RIPOR2: variants seen among roughly 807,000 people sequenced by gnomAD.
The protein encoded by RIPOR2 is RHO family interacting cell polarization regulator 2.
A neutral mutation model predicts 114.5 loss-of-function variants in RIPOR2; 39 were observed. The observed-to-expected ratio is 0.34, with a 90% CI of 0.26 to 0.44. The LOEUF is 0.44. Ranked by LOEUF, RIPOR2 falls within the 20% of genes least tolerant of loss-of-function variation. The probability of loss-of-function intolerance (pLI) is 1.00; values close to 1 mark genes in which losing one functional copy is unlikely to be tolerated. For synonymous variants in RIPOR2, 445 were observed against 484.4 expected (o/e 0.92, Z 1.07); for missense variants, 1,007 against 1,255.1 (o/e 0.80, Z 2.99).
intron 1 of RIPOR2, among the ~76,000 whole-genome samples, chr6:25,039,610 C>T (rs1374184765): frequency 6.6e-6 from 1 of 152,152 alleles, no homozygotes; most frequent in Non-Finnish European, 1.5e-5. Context: ...GTAAAGCAGG[C>T]TTTTCTGATA....
intron 20 of RIPOR2, among the ~76,000 whole-genome samples, chr6:24,811,657 C>CTTTTTTTTTTTTTTTTTTT (rs1222503239): frequency 9.2e-5 from 2 of 21,730 alleles, no homozygotes; most frequent in Non-Finnish European, 2.8e-4. Flanking sequence ...TCGTTTAGTA[C>CTTTTTTTTTTTTTTTTTTT]TTTTTTTTTT....
At chr6:24,839,021 G>A in intron 14 of RIPOR2, 70 bp downstream of exon 14, 1 of 1,280,282 alleles carries the variant, frequency 7.8e-7, no homozygotes. Context: ...GGTCCCCTCT[G>A]ACAGTAACAA....
chr6:24,946,436 A>C (rs1266539808), intron 1 of RIPOR2, among the ~76,000 whole-genome samples: 1 of 152,008 alleles, frequency 6.6e-6, no homozygotes, highest in Non-Finnish European at 1.5e-5. Context: ...CACGCATTGG[A>C]AACCTTGTAT....
At chr6:24,946,912 T>G (rs1772446555) in intron 1 of RIPOR2, among the ~76,000 whole-genome samples, 1 of 152,234 alleles carries the variant, frequency 6.6e-6, no homozygotes, top group Non-Finnish European at 1.5e-5. Flanking sequence ...TGAAAATTCT[T>G]CCTGGCGTGG....
chr6:25,020,293 A>T (rs949649712), intron 1 of RIPOR2, among the ~76,000 whole-genome samples: 3 of 152,254 alleles, frequency 2.0e-5, no homozygotes, highest in South Asian at 2.1e-4. Context: ...TCCCTCAGCC[A>T]AATGATCCTT....
At chr6:24,987,804 A>G (rs565444148) in intron 1 of RIPOR2, among the ~76,000 whole-genome samples, 2 of 152,372 alleles carry the variant, frequency 1.3e-5, no homozygotes, top group East Asian at 3.9e-4. Flanking sequence ...CAATGTATTC[A>G]GTGTTCATAA....
At chr6:24,833,433 G>A (rs558874404) in intron 15 of RIPOR2, among the ~76,000 whole-genome samples, 7 of 152,110 alleles carry the variant, frequency 4.6e-5, no homozygotes, top group Admixed American at 2.6e-4. Context: ...CCCTGGAGGC[G>A]GAGGCTGCAG....
At chr6:24,809,639 A>G in intron 21 of RIPOR2, 78 bp downstream of exon 21, 1 of 1,002,046 alleles carries the variant, frequency 1.0e-6, no homozygotes, top group Non-Finnish European at 1.5e-6. Flanking sequence ...TTACTGGAGA[A>G]GGGAACATCT....
chr6:25,016,168 A>G (rs1038614707), intron 1 of RIPOR2, among the ~76,000 whole-genome samples: 1 of 152,010 alleles, frequency 6.6e-6, no homozygotes, highest in East Asian at 1.9e-4. Flanking sequence ...CGGGCTCCCA[A>G]AGTGCTGGGA....
At chr6:24,857,507 C>A (rs1404968394) in intron 8 of RIPOR2, among the ~76,000 whole-genome samples, 2 of 152,156 alleles carry the variant, frequency 1.3e-5, no homozygotes, top group Admixed American at 6.6e-5. Context: ...TGCCTGCCTT[C>A]CTTTGCTCAG....
At chr6:24,967,266 T>C (rs1320973735) in intron 1 of RIPOR2, among the ~76,000 whole-genome samples, 1 of 152,186 alleles carries the variant, frequency 6.6e-6, no homozygotes, top group African/African-American at 2.4e-5. Context: ...ACTCTGGGCA[T>C]GTGAATTTGA....
At chr6:24,832,915 G>A (rs1357414408) in intron 15 of RIPOR2, among the ~76,000 whole-genome samples, 2 of 152,198 alleles carry the variant, frequency 1.3e-5, no homozygotes, top group Non-Finnish European at 2.9e-5. Flanking sequence ...TTCTGTATAA[G>A]TGTTAGCTTA....
Position 24,883,269 on chromosome 6 carries a change from T to G in RIPOR2, c.62-7452A>C, listed in dbSNP as rs777328809. Among the ~76,000 whole-genome samples the G allele has an allele frequency of 6.6e-6, 1 of 152,172 alleles. No individual in the cohort carries two copies. Among genetic ancestry groups the G allele is most frequent in the Non-Finnish European group, 1.5e-5 (1 of 68,026 alleles). On this transcript the variant is annotated intron_variant, in intron 1 of 21. Coordinates refer to ENST00000643898, the MANE Select transcript of RIPOR2 (RefSeq NM_001286445.3). This position sits in a 1 kb window ranked among gnomAD's most constrained non-coding sequence, Gnocchi z 4.1. ...TCAGTTCTCGCCAAGGCATTTCTCA[T>G]GGGGGCCAAACGTCAACTTGGAAAC...
chr6:24,866,116 G>C (rs183554017), intron 6 of RIPOR2, among the ~76,000 whole-genome samples: 374 of 152,152 alleles, frequency 2.5e-3, no homozygotes, highest in Non-Finnish European at 4.1e-3. Context: ...AAAGGAAAAA[G>C]TTATTCTTAA....
At chr6:24,968,716 G>A (rs1262198675) in intron 1 of RIPOR2, among the ~76,000 whole-genome samples, 1 of 152,166 alleles carries the variant, frequency 6.6e-6, no homozygotes, top group East Asian at 1.9e-4. Context: ...GCCTACACTT[G>A]CAGGACCCTG....
chr6:25,024,460 C>T, intron 1 of RIPOR2: 4 of 880,168 alleles, frequency 4.5e-6, no homozygotes, highest in Non-Finnish European at 7.6e-6. Context: ...TAGGCCAGAA[C>T]TCTCATGGAG....
upstream of RIPOR2, among the ~76,000 whole-genome samples, chr6:24,938,166 T>C (rs535603945): frequency 6.6e-6 from 1 of 152,276 alleles, no homozygotes; most frequent in East Asian, 1.9e-4. Context: ...TGGAGGAGGA[T>C]GGGTCCTTAA....
chr6:24,970,142 A>AG (rs1444773163), intron 1 of RIPOR2, among the ~76,000 whole-genome samples: 3 of 109,088 alleles, frequency 2.8e-5, no homozygotes, highest in Non-Finnish European at 5.9e-5. Flanking sequence ...TGGAAGTTGG[A>AG]GGGGGAAAGA....
upstream of RIPOR2, among the ~76,000 whole-genome samples, chr6:24,937,078 C>G (rs1351800474): frequency 6.6e-6 from 1 of 152,132 alleles, no homozygotes; most frequent in Non-Finnish European, 1.5e-5. Context: ...AAGGGATCAC[C>G]CCAGAGGAAT....
Sources: allele counts gnomAD v4.1 joint callset (sites outside exome capture counted in the v4.1 genomes callset), GRCh38; gene constraint gnomAD v4.1.1; non-coding constraint Gnocchi (gnomAD v3.1); transcripts MANE v1.5; gene names NCBI Gene and HGNC (gene_info 2026-07-23, HGNC 2026-07-21).